The following LTN1 variants were observed in gnomAD, a reference collection of about 807,000 sequenced individuals.
LTN1 encodes the protein listerin E3 ubiquitin protein ligase 1.
In LTN1, 88 loss-of-function variants were observed where a neutral mutation model predicts 201.2. The ratio of observed to expected loss-of-function variants is 0.44; its 90% CI spans 0.37 to 0.52. The LOEUF (loss-of-function observed/expected upper bound fraction) is 0.52, where lower values mean the gene tolerates loss of function less well. Among genes scored for constraint, LTN1 ranks in the 20% least tolerant of loss-of-function variants. LTN1 has a pLI of 0.00. For missense variants in LTN1, 1,752 were observed against 2,038.7 expected (o/e 0.86, Z 2.71); for synonymous variants, 645 against 713.5 (o/e 0.90, Z 1.53).
At chr21:28,956,727 C>A in intron 16 of LTN1, 35 bp downstream of exon 16, 1 of 1,060,544 alleles carries the variant, frequency 9.4e-7, no homozygotes, top group Middle Eastern at 2.4e-4. Flanking sequence ...TTCATTCATG[C>A]ATTATGTTAT....
chr21:28,985,046 C>A (rs1394987661), intron 3 of LTN1, 124 bp from the exon 4 acceptor site: 4 of 592,858 alleles, frequency 6.7e-6, no homozygotes, highest in Non-Finnish European at 1.2e-5. Context: ...AAACTGAAAT[C>A]ATTTTTTTTA....
chr21:28,930,755 G>C (rs1458907365), intron 29 of LTN1, among the ~76,000 whole-genome samples: 1 of 152,186 alleles, frequency 6.6e-6, no homozygotes, highest in Non-Finnish European at 1.5e-5. Context: ...GAAATCTCCT[G>C]TGAAACAAAT....
At chr21:28,987,400 A>C (rs183691947) in intron 1 of LTN1, among the ~76,000 whole-genome samples, 2 of 152,310 alleles carry the variant, frequency 1.3e-5, no homozygotes, top group East Asian at 3.9e-4. Context: ...CCATCCTTTC[A>C]TTCACCCATT....
intron 21 of LTN1, among the ~76,000 whole-genome samples, chr21:28,945,123 A>G (rs1313670059): frequency 6.6e-6 from 1 of 152,176 alleles, no homozygotes; most frequent in Non-Finnish European, 1.5e-5. Context: ...TGAGAGGCTG[A>G]GGCACAAGAA....
At chr21:28,967,886 C>T (rs1293079116) in intron 9 of LTN1, 1 of 152,130 alleles carries the variant, frequency 6.6e-6, no homozygotes, top group Admixed American at 6.5e-5. Context: ...TTGGAGGACA[C>T]ATAGCTGGTA....
intron 16 of LTN1, among the ~76,000 whole-genome samples, chr21:28,953,660 T>C (rs1222719325): frequency 6.6e-6 from 1 of 152,184 alleles, no homozygotes; most frequent in African/African-American, 2.4e-5. Context: ...GAAAGAATCT[T>C]CCTACCATTT....
At chr21:28,989,062 ATTC>A (rs2084724861) in intron 1 of LTN1, among the ~76,000 whole-genome samples, 1 of 152,184 alleles carries the variant, frequency 6.6e-6, no homozygotes, top group African/African-American at 2.4e-5. Flanking sequence ...AATATTAATT[ATTC>A]AATTCACCTT....
At chr21:28,953,127 T>C (rs1233375884) in intron 17 of LTN1, 90 bp downstream of exon 17, 11 of 793,454 alleles carry the variant, frequency 1.4e-5, no homozygotes, top group Non-Finnish European at 2.2e-5. Flanking sequence ...GACTGAAACA[T>C]TAGCATGCAG....
intron 6 of LTN1, among the ~76,000 whole-genome samples, 195 bp from the exon 7 acceptor site, chr21:28,971,639 C>T (rs532668905): frequency 1.2e-4 from 18 of 152,278 alleles, no homozygotes; most frequent in Admixed American, 8.5e-4. Context: ...AAAGTGAAGG[C>T]TGAAAGAATT....
In LTN1 at chr21:28,952,080, G is replaced by T. The variant is rs573740015; in HGVS notation, c.3344+80C>A. ...CTAAACCTGTTTTCTTGATTCATTA[G>T]AAATTATTCATTAATTAGGGGTTGC... On this transcript the variant is annotated intron_variant, in intron 18 of 29. Coordinates refer to ENST00000361371, the MANE Select transcript of LTN1 (RefSeq NM_015565.3). 62 of 719,714 alleles carry T rather than the reference G, an allele frequency of 8.6e-5. 1 individual carries two copies. The South Asian group carries it at 1.3e-3, about 15-fold the overall frequency. 44.6% of individuals were successfully genotyped at this position (719,714 alleles called of 1,614,324 possible).
rs1428726530 is a variant in LTN1, at chr21:28,971,355, T to C, written c.900A>G (p.Ser300=). ...CACTGTCATCAATGCTAAGTAGAAC[T>C]GATGGGCTCACTTTGGATGCTTCCT... ...MKEEASKVSP[S]VLLSIDDSDP... is the part of the protein sequence containing the mutation. The change falls in exon 7 of 30, where the codon TCA becomes TCG. Residue 300 remains serine, a synonymous_variant. Coordinates refer to ENST00000361371, the MANE Select transcript of LTN1 (RefSeq NM_015565.3). 2 of 1,614,098 alleles carry C rather than the reference T, an allele frequency of 1.2e-6. No individual in the cohort carries two copies. Among genetic ancestry groups the C allele is most frequent in the African/African-American group, 2.7e-5 (2 of 75,052 alleles).
rs1287539644 is a variant in LTN1, at chr21:28,930,410, T to C, written c.*38A>G. On this transcript the variant is annotated 3_prime_UTR_variant, in exon 30 of 30. Coordinates refer to ENST00000361371, the MANE Select transcript of LTN1 (RefSeq NM_015565.3). ...ACGGATCCAAATCCAATGCCTTTGT[T>C]TGATGTACTTCAGGGATCCCTTCCA... is the stretch of plus-strand genomic sequence containing the variant. 3.3e-6 allele frequency: 5 copies of C among 1,515,308 alleles called. No homozygotes were observed. Among genetic ancestry groups the C allele is most frequent in the South Asian group, 1.1e-5 (1 of 87,660 alleles). The allele number at this position is 1,515,308 out of a possible 1,614,324, so 93.9% of individuals were successfully genotyped here.
chr21:28,947,577 T>C lies in LTN1; in HGVS notation c.3374A>G (p.His1125Arg), dbSNP rs368914638. 7 of 1,572,630 alleles carry C rather than the reference T, an allele frequency of 4.5e-6. No individual in the cohort carries two copies. Among genetic ancestry groups the C allele is most frequent in the Non-Finnish European group, 6.0e-6 (7 of 1,167,678 alleles). ...AAATGGACATAGACTTTGAATGGTA[T>C]GCAAATTGCCTTCAGTTAGTGGAAA... ...SFFPLTEGNL[H>R]TIQSLCPFLS... Residue 1125 changes from histidine to arginine, a missense_variant, in exon 19 of 30, where the codon CAT becomes CGT. By Grantham distance (29) the His-to-Arg change is conservative (BLOSUM62 0). Around this residue, in one of 3 missense-constraint regions of LTN1, gnomAD observed 1,211 missense variants for 1,312.8 expected, o/e 0.92. Coordinates refer to ENST00000361371, the MANE Select transcript of LTN1 (RefSeq NM_015565.3).
chr21:28,958,607 G>T (rs2776243), intron 13 of LTN1, 68 bp from the exon 14 acceptor site: 119,558 of 1,154,244 alleles, frequency 0.1, 6,535 homozygotes, highest in Admixed American at 0.14. Flanking sequence ...CAAAATGTTT[G>T]AAACAACTCT....
chr21:28,965,907 C>A lies in LTN1; in HGVS notation c.2122-1G>T. 6.6e-7 allele frequency: 1 copy of A among 1,525,526 alleles called. No homozygotes were observed. Among genetic ancestry groups the A allele is most frequent in the Non-Finnish European group, 9.0e-7 (1 of 1,115,430 alleles). 94.5% of individuals were successfully genotyped at this position (1,525,526 alleles called of 1,614,324 possible). A position where few individuals can be genotyped will look rare whatever the true frequency, so the allele number is the denominator to read the frequency against. ...GAAGAGAATTCCATTTCAAGTCCAC[C>A]TGAAAAAAGAAAAAGAGTTAGAAAC... On this transcript the variant is annotated splice_acceptor_variant, in intron 10 of 29. Transcript: ENST00000361371. LOFTEE classifies it high-confidence loss of function.
intron 14 of LTN1, 139 bp downstream of exon 14, chr21:28,958,247 A>G (rs2084442635): frequency 4.1e-6 from 3 of 725,552 alleles, no homozygotes; most frequent in African/African-American, 3.7e-5. Flanking sequence ...CTCCCACCTC[A>G]GCCTACTGAG....
Position 28,967,111 on chromosome 21 carries a change from T to G in LTN1, c.1380A>C (p.Leu460Phe), listed in dbSNP as rs141752157. 6.2e-7 allele frequency: 1 copy of G among 1,614,018 alleles called. No individual in the cohort carries two copies. Among genetic ancestry groups the G allele is most frequent in the African/African-American group, 1.3e-5 (1 of 74,916 alleles). Residue 460 changes from leucine (L) to phenylalanine (F), a missense_variant, in exon 10 of 30, where the codon TTA becomes TTC. Physicochemically the swap from Leu to Phe is conservative, Grantham distance 22. Transcript: ENST00000361371. ...GLQHGQLFNH[L>F]AETLSSWEAK... ...CTTCCCAGGAACTTAGAGTTTCTGCTAAATGGTTAAATAGCTGCCCATGTT... is the reference window on the plus strand; with the variant it reads ...CTTCCCAGGAACTTAGAGTTTCTGCGAAATGGTTAAATAGCTGCCCATGTT...
intron 18 of LTN1, among the ~76,000 whole-genome samples, chr21:28,951,211 A>G (rs1235990071): frequency 6.6e-6 from 1 of 152,228 alleles, no homozygotes; most frequent in Non-Finnish European, 1.5e-5. Context: ...CTCAAAATAA[A>G]AAGTTTTTTA....
In LTN1 at chr21:28,947,450, A is replaced by G; in HGVS notation, c.3487+14T>C. On this transcript the variant is annotated intron_variant, in intron 19 of 29. Transcript: ENST00000361371. ...TAATTAAATTAATGAAATATTTATTATCAAGCAACTAACCATTAGTGCTGC... is the reference window on the plus strand; with the variant it reads ...TAATTAAATTAATGAAATATTTATTGTCAAGCAACTAACCATTAGTGCTGC... 1.3e-6 allele frequency: 2 copies of G among 1,504,224 alleles called. No homozygotes were observed. The highest frequency in any genetic ancestry group is 1.8e-6 in the Non-Finnish European group (2 of 1,132,690). 93.2% of individuals were successfully genotyped at this position (1,504,224 alleles called of 1,614,324 possible).
Sources: allele counts gnomAD v4.1 joint callset (sites outside exome capture counted in the v4.1 genomes callset), GRCh38; gene constraint gnomAD v4.1.1; regional missense constraint gnomAD v4.1.1; transcripts MANE v1.5; gene names NCBI Gene and HGNC (gene_info 2026-07-23, HGNC 2026-07-21).